The following COQ8A variants were observed in gnomAD, a reference collection of about 807,000 sequenced individuals.
The protein encoded by COQ8A is coenzyme Q8A, also known as atypical kinase COQ8A, mitochondrial.
A neutral mutation model predicts 65.0 loss-of-function variants in COQ8A; 51 were observed. The observed-to-expected ratio is 0.78, with a 90% CI of 0.63 to 0.99. The LOEUF is 0.99. Among genes scored for constraint, COQ8A ranks in the 50% least tolerant of loss-of-function variants. The pLI is 0.00. For synonymous variants in COQ8A, 371 were observed against 353.2 expected, an observed-to-expected ratio of 1.05 and a Z score of -0.57; for missense variants, 940 against 875.0, an observed-to-expected ratio of 1.07 and a Z score of -0.94.
chr1:226,947,708 AT>A (rs1312997813), intron 1 of COQ8A, among the ~76,000 whole-genome samples: 1 of 152,074 alleles, frequency 6.6e-6, no homozygotes, highest in African/African-American at 2.4e-5. Context: ...ACTCAGGATA[AT>A]CACCTGTGCC....
chr1:226,968,376 A>T (rs1297252883), intron 4 of COQ8A, among the ~76,000 whole-genome samples: 1 of 152,216 alleles, frequency 6.6e-6, no homozygotes, highest in Non-Finnish European at 1.5e-5. Flanking sequence ...AGAAAAGATT[A>T]GAATTAATAT....
intron 1 of COQ8A, among the ~76,000 whole-genome samples, chr1:226,945,916 A>G (rs542729308): frequency 5.9e-5 from 9 of 152,234 alleles, no homozygotes; most frequent in Middle Eastern, 3.4e-3. Context: ...CTCCTGTAAA[A>G]ATCACTTTTT....
intron 1 of COQ8A, among the ~76,000 whole-genome samples, chr1:226,940,912 G>A (rs990860078): frequency 1.3e-5 from 2 of 152,194 alleles, no homozygotes; most frequent in East Asian, 1.9e-4. Context: ...TCGCAGGTGG[G>A]AATTTTGTGT....
chr1:226,966,461 G>A (rs1310798775), intron 4 of COQ8A, among the ~76,000 whole-genome samples: 1 of 152,226 alleles, frequency 6.6e-6, no homozygotes, highest in Non-Finnish European at 1.5e-5. Context: ...CTCCTTTGCT[G>A]TGGTACACTC....
intron 1 of COQ8A, among the ~76,000 whole-genome samples, chr1:226,944,997 C>T (rs1252485731): frequency 1.3e-5 from 2 of 152,140 alleles, no homozygotes; most frequent in African/African-American, 4.8e-5. Context: ...TTACCTCTCA[C>T]TATTTCATAG....
At position 226,961,407 on chromosome 1, in the gene COQ8A, A is replaced by G. The variant is rs1466683362; in HGVS notation, c.22A>G (p.Thr8Ala). 1 of 1,613,662 alleles carries G rather than the reference A, an allele frequency of 6.2e-7. No homozygotes were observed. The highest frequency in any genetic ancestry group is 1.3e-5 in the African/African-American group (1 of 74,938). Residue 8 changes from threonine (T) to alanine (A), a missense_variant, in exon 2 of 15, where the codon ACC (threonine) becomes GCC (alanine). By Grantham distance (58) the Thr-to-Ala change is moderately conservative. Coordinates refer to ENST00000366777, the MANE Select transcript of COQ8A (RefSeq NM_020247.5). MAAILGD[T>A]IMVAKGLVKL... The stretch of plus-strand genomic sequence containing the variant: ...AAGGATGGCTGCCATATTGGGAGAC[A>G]CCATCATGGTGGCTAAAGGCCTTGT...
Position 226,982,054 on chromosome 1 carries a change from C to T in COQ8A, c.758C>T (p.Pro253Leu), listed in dbSNP as rs755595528. ...AAGAAGGCCGTGCTGGGTTCCAGTCCTTTCCTGTCCGAGGCCAATGCAGAG... is the reference window on the plus strand; with the variant it reads ...AAGAAGGCCGTGCTGGGTTCCAGTCTTTTCCTGTCCGAGGCCAATGCAGAG... ...SGKKAVLGSSPFLSEANAERI... is the reference protein window; with the variant it reads ...SGKKAVLGSSLFLSEANAERI... Residue 253 changes from proline to leucine, a missense_variant, in exon 6 of 15, where the codon CCT becomes CTT. By Grantham distance (98) the Pro-to-Leu change is moderately conservative. Transcript: ENST00000366777. 3.8e-5 allele frequency: 61 copies of T among 1,612,820 alleles called. No individual in the cohort carries two copies. Among genetic ancestry groups the T allele is most frequent in the Non-Finnish European group, 4.8e-5 (57 of 1,180,016 alleles).
intron 1 of COQ8A, among the ~76,000 whole-genome samples, chr1:226,943,839 C>T (rs1353664840): frequency 6.6e-6 from 1 of 152,186 alleles, no homozygotes; most frequent in Non-Finnish European, 1.5e-5. Context: ...TTTCCCTGCA[C>T]CCCTTTCCAG....
In COQ8A at chr1:226,986,591, G is replaced by C; in HGVS notation, c.1798G>C (p.Val600Leu). 2.5e-6 allele frequency: 4 copies of C among 1,613,000 alleles called. No individual in the cohort carries two copies. Among genetic ancestry groups the C allele is most frequent in the Non-Finnish European group, 3.4e-6 (4 of 1,179,812 alleles). ...LIPVMLRHRL[V>L]PPPEETYSLH... is the part of the protein sequence containing the mutation. ...TCCCGTCATGCTGAGGCACCGTCTC[G>C]TCCCCCCACCCGAGGAAACCTACTC... Residue 600 changes from valine to leucine, a missense_variant, in exon 15 of 15, where the codon GTC becomes CTC. Val to Leu is a conservative substitution (Grantham distance 32). Coordinates refer to ENST00000366777, the MANE Select transcript of COQ8A (RefSeq NM_020247.5).
rs76831370 is a variant in COQ8A at position 226,984,815 on chromosome 1, C to A, written c.1507-61C>A. 1.6e-3 allele frequency: 2,457 copies of A among 1,576,560 alleles called. 34 individuals carry two copies. In the African/African-American group the frequency reaches 0.029, roughly 19 times the overall value. ...GCCCTCTGTTGCACCCCCTTCCCGG[C>A]CCCACACACCCGCACCATGGAGCAC... is the stretch of plus-strand genomic sequence containing the variant. On this transcript the variant is annotated intron_variant, in intron 12 of 14. Transcript: ENST00000366777.
intron 5 of COQ8A, among the ~76,000 whole-genome samples, chr1:226,980,542 G>A (rs2148120029): frequency 6.6e-6 from 1 of 152,344 alleles, no homozygotes; most frequent in South Asian, 2.1e-4. Context: ...GGGGGCAGAG[G>A]GGACATTGAC....
At position 226,986,654 on chromosome 1, in the gene COQ8A, T is replaced by C; in HGVS notation, c.1861T>C (p.Ser621Pro). 6.2e-7 allele frequency: 1 copy of C among 1,613,920 alleles called. No homozygotes were observed. ...RKMGGSFLIC[S>P]KLKARFPCKA... ...GATGGGGGGCTCCTTCCTCATCTGC[T>C]CCAAGCTGAAGGCCCGCTTCCCCTG... Residue 621 changes from serine to proline, a missense_variant, in exon 15 of 15, where the codon TCC (serine) becomes CCC (proline). By Grantham distance (74) the Ser-to-Pro change is moderately conservative. Coordinates refer to ENST00000366777, the MANE Select transcript of COQ8A (RefSeq NM_020247.5).
At chr1:226,957,874 G>T (rs775757420) in intron 1 of COQ8A, among the ~76,000 whole-genome samples, 27 of 152,144 alleles carry the variant, frequency 1.8e-4, no homozygotes, top group Admixed American at 3.9e-4. Context: ...TCGGAGCCTT[G>T]TCTCCAGCAT....
At chr1:226,965,642 C>T in intron 3 of COQ8A, 29 bp from the exon 4 acceptor site, 1 of 1,613,256 alleles carries the variant, frequency 6.2e-7, no homozygotes, top group Non-Finnish European at 8.5e-7. Flanking sequence ...TTGGCTGATT[C>T]CACAGGTCTC....
rs575986364 is a variant in COQ8A, at chr1:226,971,439, CT to C, written c.655+5703del. 1.2e-3 allele frequency among the ~76,000 whole-genome samples: 185 copies of C among 151,978 alleles called. 2 individuals are homozygous for C. Among genetic ancestry groups the C allele is most frequent in the African/African-American group, 4.2e-3 (176 of 41,476 alleles). The stretch of plus-strand genomic sequence containing the variant: ...TGGTGGTGGGTACCTGTAATCCCAG[CT>C]ACTTGGGAGGCTGAGGCAGGAGAAT... On this transcript the variant is annotated intron_variant, in intron 4 of 14. Coordinates refer to ENST00000366777, the MANE Select transcript of COQ8A (RefSeq NM_020247.5).
intron 1 of COQ8A, among the ~76,000 whole-genome samples, chr1:226,958,537 T>G (rs1467714605): frequency 6.6e-6 from 1 of 152,192 alleles, no homozygotes; most frequent in African/African-American, 2.4e-5. Context: ...CACGCTGCCA[T>G]GAGCCCTGGG....
intron 3 of COQ8A, 127 bp from the exon 4 acceptor site, chr1:226,965,544 G>A: frequency 1.3e-6 from 2 of 1,496,230 alleles, no homozygotes; most frequent in South Asian, 1.2e-5. Context: ...TTCTCTTGGT[G>A]GAGTGTGCTG....
intron 5 of COQ8A, among the ~76,000 whole-genome samples, chr1:226,981,779 C>T (rs1174166603): frequency 2.6e-5 from 4 of 152,252 alleles, no homozygotes; most frequent in Middle Eastern, 3.4e-3. Flanking sequence ...TGTGTGTGTG[C>T]GTTTGTGTGT....
intron 5 of COQ8A, among the ~76,000 whole-genome samples, chr1:226,981,354 AGCCCTCCCCTTG>A (rs1398326991): frequency 1.3e-5 from 2 of 152,158 alleles, no homozygotes; most frequent in Non-Finnish European, 2.9e-5. Flanking sequence ...CGCGGCCCTC[AGCCCTCCCCTTG>A]GTGGACTGGA....
Sources: allele counts gnomAD v4.1 joint callset (sites outside exome capture counted in the v4.1 genomes callset), GRCh38; gene constraint gnomAD v4.1.1; transcripts MANE v1.5; gene names NCBI Gene and HGNC (gene_info 2026-07-23, HGNC 2026-07-21).